KIF1C: variants seen among roughly 807,000 people sequenced by gnomAD.
The protein encoded by KIF1C is kinesin family member 1C, also known as kinesin-like protein KIF1C.
Under a neutral mutation model 126.5 loss-of-function variants are expected in KIF1C, and 61 were observed. The observed-to-expected ratio is 0.48, with a 90% CI of 0.39 to 0.60. KIF1C has a LOEUF of 0.60. Ranked by LOEUF, KIF1C falls within the 20% of genes least tolerant of loss-of-function variation. KIF1C has a pLI of 0.00. For synonymous variants in KIF1C, 640 were observed against 580.6 expected, an observed-to-expected ratio of 1.10 and a Z score of -1.47; for missense variants, 1,315 against 1,489.2, an observed-to-expected ratio of 0.88 and a Z score of 1.93.
rs138073126 is a variant in KIF1C, at chr17:5,023,607, G to A, written c.2768G>A (p.Arg923Gln). ...TCGCCACCACTGTCAAGCTGGGAGC[G>A]GGTGTCACGGCTCATGGAGGAGGAC... ...PPSPPLSSWE[R>Q]VSRLMEEDPA... Residue 923 changes from arginine (R) to glutamine (Q), a missense_variant, in exon 23 of 23, where the codon CGG becomes CAG. This residue lies in a region of KIF1C where 441 missense variants were observed against 436.1 expected (regional missense o/e 1.01). Coordinates refer to ENST00000320785, the MANE Select transcript of KIF1C (RefSeq NM_006612.6). The surrounding 1 kb of genome is among the most constrained non-coding windows in gnomAD (Gnocchi z 4.2). 1.9e-6 allele frequency: 3 copies of A among 1,613,600 alleles called. No homozygotes were observed. The highest frequency in any genetic ancestry group is 2.5e-6 in the Non-Finnish European group (3 of 1,179,930).
In KIF1C at chr17:5,020,661, G is replaced by C; in HGVS notation, c.1920G>C (p.Lys640Asn). 6.2e-7 allele frequency: 1 copy of C among 1,613,970 alleles called. No individual in the cohort carries two copies. The highest frequency in any genetic ancestry group is 8.5e-7 in the Non-Finnish European group (1 of 1,179,870). The change falls in exon 20 of 23, where the codon AAG (lysine) becomes AAC (asparagine). Residue 640 changes from lysine (K) to asparagine (N), a missense_variant. By Grantham distance (94) the Lys-to-Asn change is moderately conservative. Around this residue, in one of 2 missense-constraint regions of KIF1C, gnomAD observed 874 missense variants for 1,053.2 expected, o/e 0.83. Coordinates refer to ENST00000320785, the MANE Select transcript of KIF1C (RefSeq NM_006612.6). This position sits in a 1 kb window ranked among gnomAD's most constrained non-coding sequence, Gnocchi z 5.8. ...ELLEQQGIDIKLEMEKRLQDL... is the reference protein window; with the variant it reads ...ELLEQQGIDINLEMEKRLQDL... ...TGGAGCAGCAAGGCATCGACATAAA[G>C]CTGGAAATGGAGAAGAGGTGCGAGG...
intron 18 of KIF1C, among the ~76,000 whole-genome samples, chr17:5,018,200 C>CAA (rs1414245105): frequency 6.6e-6 from 1 of 151,946 alleles, no homozygotes; most frequent in Non-Finnish European, 1.5e-5. Context: ...AGGCTGGTCT[C>CAA]AAAGTCCTGA....
Position 5,014,826 on chromosome 17 carries a change from C to A in KIF1C, c.1655C>A (p.Pro552Gln). The change falls in exon 18 of 23, where the codon CCA becomes CAA. Residue 552 changes from proline (P) to glutamine (Q), a missense_variant. Pro to Gln is a moderately conservative substitution (Grantham distance 76). Coordinates refer to ENST00000320785, the MANE Select transcript of KIF1C (RefSeq NM_006612.6). ...TGTCTGTTCCGGAGCATCCCCCAGCCAGATGGAGAAGGTAATGGCTGAGGG... is the reference window on the plus strand; with the variant it reads ...TGTCTGTTCCGGAGCATCCCCCAGCAAGATGGAGAAGGTAATGGCTGAGGG... Reference protein sequence around the residue: ...QHCLFRSIPQPDGEVVVTLEP... With the variant: ...QHCLFRSIPQQDGEVVVTLEP... 6.3e-7 allele frequency: 1 copy of A among 1,592,718 alleles called. No homozygotes were observed. Among genetic ancestry groups the A allele is most frequent in the East Asian group, 2.3e-5 (1 of 44,322 alleles).
In KIF1C at chr17:5,022,174, A is replaced by G. The variant is rs775022402; in HGVS notation, c.2093A>G (p.Gln698Arg). 6.2e-7 allele frequency: 1 copy of G among 1,614,036 alleles called. No individual in the cohort carries two copies. Among genetic ancestry groups the G allele is most frequent in the Non-Finnish European group, 8.5e-7 (1 of 1,179,948 alleles). The change falls in exon 22 of 23, where the codon CAG becomes CGG. Residue 698 changes from glutamine (Q) to arginine (R), a missense_variant. By Grantham distance (43) the Gln-to-Arg change is conservative. Around this residue, in one of 2 missense-constraint regions of KIF1C, gnomAD observed 874 missense variants for 1,053.2 expected, o/e 0.83. Transcript: ENST00000320785. The surrounding 1 kb of genome is among the most constrained non-coding windows in gnomAD (Gnocchi z 4.9). ...SWRLISSLREQLPPTTVQTIV... is the reference protein window; with the variant it reads ...SWRLISSLRERLPPTTVQTIV... Reference sequence around the variant, plus strand: ...AGGCTCATCTCCTCCTTGCGGGAGCAGCTGCCGCCCACCACGGTCCAGACC... The same window carrying G: ...AGGCTCATCTCCTCCTTGCGGGAGCGGCTGCCGCCCACCACGGTCCAGACC...
chr17:5,022,792 C>T lies in KIF1C; in HGVS notation c.2628+83C>T, dbSNP rs1329317407. On this transcript the variant is annotated intron_variant, in intron 22 of 22. Coordinates refer to ENST00000320785, the MANE Select transcript of KIF1C (RefSeq NM_006612.6). This position sits in a 1 kb window ranked among gnomAD's most constrained non-coding sequence, Gnocchi z 4.9. ...TGAACCTTCCATCTCAGAGCCTAAC[C>T]TTCCCCAAGTCTGGAAAAAATTGCA... is the stretch of plus-strand genomic sequence containing the variant. 2.1e-6 allele frequency: 3 copies of T among 1,396,704 alleles called. No homozygotes were observed. The highest frequency in any genetic ancestry group is 2.8e-6 in the Non-Finnish European group (3 of 1,078,972). The allele number at this position is 1,396,704 out of a possible 1,614,324, so 86.5% of individuals were successfully genotyped here.
At chr17:5,012,111 T>C (rs1261070327) in intron 16 of KIF1C, 1 of 152,172 alleles carries the variant, frequency 6.6e-6, no homozygotes, top group Non-Finnish European at 1.5e-5. Flanking sequence ...CTTGTAATGG[T>C]GTTTCCACGC....
In KIF1C at chr17:5,022,441, G is replaced by A. The variant is rs772567048; in HGVS notation, c.2360G>A (p.Gly787Asp). 1.3e-6 allele frequency: 2 copies of A among 1,582,806 alleles called. No individual in the cohort carries two copies. Among genetic ancestry groups the A allele is most frequent in the South Asian group, 1.1e-5 (1 of 87,550 alleles). ...ATGCGGGAGCTGTGTCGCACCTATG[G>A]CAAGCCAGACGGCCCCGGAGACGCC... is the stretch of plus-strand genomic sequence containing the variant. The part of the protein sequence containing the change: ...LKMRELCRTY[G>D]KPDGPGDAWR... The change falls in exon 22 of 23, where the codon GGC becomes GAC. Residue 787 changes from glycine to aspartate, a missense_variant. Coordinates refer to ENST00000320785, the MANE Select transcript of KIF1C (RefSeq NM_006612.6). This position sits in a 1 kb window ranked among gnomAD's most constrained non-coding sequence, Gnocchi z 4.9.
chr17:5,014,892 C>T, intron 18 of KIF1C, 55 bp downstream of exon 18: 2 of 1,396,850 alleles, frequency 1.4e-6, no homozygotes, highest in Non-Finnish European at 9.9e-7. Flanking sequence ...CCATGTTCCA[C>T]CCCACACACT....
At chr17:5,021,106 G>A (rs984916676) in intron 21 of KIF1C, among the ~76,000 whole-genome samples, 13 of 151,208 alleles carry the variant, frequency 8.6e-5, no homozygotes, top group African/African-American at 2.7e-4. Context: ...CCAGTTTCTC[G>A]TGCCAAGTTT....
chr17:5,014,658 T>G, intron 17 of KIF1C, 85 bp from the exon 18 acceptor site: 1 of 967,116 alleles, frequency 1.0e-6, no homozygotes. Context: ...TTGGCTTGGT[T>G]CATTGAGTTG....
intron 21 of KIF1C, among the ~76,000 whole-genome samples, chr17:5,021,215 C>CAGGCTGGA (rs1162601662): frequency 2.8e-5 from 4 of 145,028 alleles, no homozygotes; most frequent in African/African-American, 1.0e-4. Context: ...TCCTGTCACC[C>CAGGCTGGA]AGGCTGGAAC....
At chr17:5,015,842 C>T (rs1974960463) in intron 18 of KIF1C, among the ~76,000 whole-genome samples, 1 of 150,854 alleles carries the variant, frequency 6.6e-6, no homozygotes, top group Admixed American at 6.6e-5. Context: ...GTGATCCGCC[C>T]ACCTTGGCCT....
At position 5,004,841 on chromosome 17, in the gene KIF1C, C is replaced by G. The variant is rs201164122; in HGVS notation, c.1020-14C>G. On this transcript the variant is annotated splice_polypyrimidine_tract_variant and intron_variant, in intron 12 of 22. Transcript: ENST00000320785. ...GCCCCCAGGCCTCACCGACCCTGCTCCTCTGTCACCCAGGTATGCTGACCG... is the reference window on the plus strand; with the variant it reads ...GCCCCCAGGCCTCACCGACCCTGCTGCTCTGTCACCCAGGTATGCTGACCG... 2.9e-5 allele frequency: 47 copies of G among 1,614,164 alleles called. No homozygotes were observed. The highest frequency in any genetic ancestry group is 1.8e-4 in the Admixed American group (11 of 60,014).
chr17:5,012,154 CCTGA>C (rs1413183974), intron 16 of KIF1C: 1 of 152,260 alleles, frequency 6.6e-6, no homozygotes, highest in African/African-American at 2.4e-5. Flanking sequence ...ACTCTCATTT[CCTGA>C]CTGACTGGAC....
At position 5,000,818 on chromosome 17, in the gene KIF1C, C is replaced by T. The variant is rs147583562; in HGVS notation, c.153C>T (p.Thr51=). ...GCAAGGATGCCCCCAAAAGCTTCAC[C>T]TTTGACTACTCCTACTGGTCACACA... ...KQSKDAPKSF[T]FDYSYWSHTS... The change falls in exon 4 of 23, where the codon ACC becomes ACT. Residue 51 remains threonine (T), a synonymous_variant. Transcript: ENST00000320785. 783 of 1,614,058 alleles carry T rather than the reference C, an allele frequency of 4.9e-4. 8 individuals are homozygous for T. In the African/African-American group the frequency reaches 9.4e-3, roughly 19 times the overall value.
At chr17:5,009,852 C>T (rs956694712) in intron 16 of KIF1C, among the ~76,000 whole-genome samples, 10 of 151,680 alleles carry the variant, frequency 6.6e-5, no homozygotes, top group African/African-American at 1.7e-4. Flanking sequence ...AACACATGTA[C>T]AGGCATATGT....
chr17:5,009,886 T>C (rs1974823558), intron 16 of KIF1C, among the ~76,000 whole-genome samples: 1 of 152,094 alleles, frequency 6.6e-6, no homozygotes, highest in Non-Finnish European at 1.5e-5. Flanking sequence ...ACACATTTAC[T>C]CACATTCACG....
chr17:5,000,763 G>GC lies in KIF1C; in HGVS notation c.107-5dup, dbSNP rs1419939659. 6.2e-7 allele frequency: 1 copy of GC among 1,613,658 alleles called. No homozygotes were observed. Among genetic ancestry groups the GC allele is most frequent in the African/African-American group, 1.3e-5 (1 of 74,872 alleles). Reference sequence around the variant, plus strand: ...GACTTTCCTTCCTTTACCCTCTCCTGCCCCTCAGCCATCATCAATCCTAAA... The same window carrying GC: ...GACTTTCCTTCCTTTACCCTCTCCTGCCCCCTCAGCCATCATCAATCCTAAA... On this transcript the variant is annotated splice_polypyrimidine_tract_variant and intron_variant, in intron 3 of 22. Coordinates refer to ENST00000320785, the MANE Select transcript of KIF1C (RefSeq NM_006612.6).
chr17:5,013,827 C>T lies in KIF1C; in HGVS notation c.1571+95C>T, dbSNP rs565030947. 1.0e-5 allele frequency: 9 copies of T among 861,274 alleles called. 1 individual carries two copies. Among genetic ancestry groups the T allele is most frequent in the African/African-American group, 8.4e-5 (5 of 59,776 alleles). 53.4% of individuals were successfully genotyped at this position (861,274 alleles called of 1,614,324 possible). A position where few individuals can be genotyped will look rare whatever the true frequency, so the allele number is the denominator to read the frequency against. ...TTGGTGTCTCCCTTCCCTGGTGGTC[C>T]CTGGAGATACCTCAGATCTCTAAAC... On this transcript the variant is annotated intron_variant, in intron 17 of 22. Coordinates refer to ENST00000320785, the MANE Select transcript of KIF1C (RefSeq NM_006612.6).
Sources: gnomAD v4.1 joint callset for allele counts (sites outside exome capture counted in the v4.1 genomes callset) on GRCh38, gnomAD v4.1.1 for gene constraint, gnomAD v4.1.1 regional missense constraint, Gnocchi (gnomAD v3.1) non-coding constraint, MANE v1.5 for transcripts, NCBI Gene and HGNC (gene_info 2026-07-23, HGNC 2026-07-21) for gene names.